The following CARS2 variants were observed in gnomAD, a reference collection of about 807,000 sequenced individuals.
CARS2 encodes the protein probable cysteine--tRNA ligase, mitochondrial.
In CARS2, 52 loss-of-function variants were observed where a neutral mutation model predicts 68.8. The observed-to-expected ratio is 0.76, with a 90% CI of 0.61 to 0.95. CARS2 has a LOEUF of 0.95. CARS2 is among the 40% of genes least tolerant of loss of function. The pLI is 0.00. For synonymous variants in CARS2, 314 were observed against 303.6 expected, an observed-to-expected ratio of 1.03 and a Z score of -0.36; for missense variants, 780 against 754.2, an observed-to-expected ratio of 1.03 and a Z score of -0.40.
chr13:110,647,548 G>A (rs1228557813), intron 10 of CARS2, among the ~76,000 whole-genome samples: 1 of 151,894 alleles, frequency 6.6e-6, no homozygotes, highest in Non-Finnish European at 1.5e-5. Context: ...GGCTGGCTCT[G>A]GAAAGAAGGA....
Position 110,664,382 on chromosome 13 carries a change from A to T in CARS2, c.920-864T>A, listed in dbSNP as rs2062590372. 1.2e-5 allele frequency: 3 copies of T among 252,950 alleles called. No individual in the cohort carries two copies. The South Asian group carries it at 4.4e-4, about 38-fold the overall frequency. 15.7% of individuals were successfully genotyped at this position (252,950 alleles called of 1,614,324 possible). ...AAATTAGCTGGGCGTGGTGGGGCAC[A>T]CCTGCAGTCCCAACATCCCAACAAC... is the stretch of plus-strand genomic sequence containing the variant. On this transcript the variant is annotated intron_variant, in intron 8 of 14. Transcript: ENST00000257347.
In CARS2 at chr13:110,687,771, G is replaced by T. The variant is rs1393002060; in HGVS notation, c.521C>A (p.Ser174Tyr). ...RVTENIPQII[S>Y]FIEGIIARGN... ...ACGAGCAATGATTCCTTCAATGAAA[G>T]AAATTATCTGAGGAATATTTTCGGT... The change falls in exon 5 of 15, where the codon TCT becomes TAT. Residue 174 changes from serine (S) to tyrosine (Y), a missense_variant. Transcript: ENST00000257347. The T allele has an allele frequency of 3.7e-6, 6 of 1,612,348 alleles. No individual in the cohort carries two copies. The highest frequency in any genetic ancestry group is 5.1e-6 in the Non-Finnish European group (6 of 1,179,218).
chr13:110,676,988 G>A lies in CARS2; in HGVS notation c.771C>T (p.Cys257=). The change falls in exon 7 of 15, where the codon TGC becomes TGT. Residue 257 remains cysteine, a synonymous_variant. Transcript: ENST00000257347. The surrounding 1 kb of genome is among the most constrained non-coding windows in gnomAD (Gnocchi z 4.0). ...AGGCACCTTACCTAGCGATGGCAGA[G>A]CACTCGATGTGCCAGCCCGGCCTCC... ...GPGRPGWHIE[C]SAIASMVFGS... 6.3e-7 allele frequency: 1 copy of A among 1,587,562 alleles called. No individual in the cohort carries two copies. The highest frequency in any genetic ancestry group is 8.6e-7 in the Non-Finnish European group (1 of 1,162,434).
chr13:110,641,820 C>T (rs560675462), intron 14 of CARS2, among the ~76,000 whole-genome samples: 34 of 152,346 alleles, frequency 2.2e-4, no homozygotes, highest in Admixed American at 5.9e-4. Flanking sequence ...GCAGGACCCA[C>T]GTCCCCGTGC....
chr13:110,642,357 G>T lies in CARS2; in HGVS notation c.1581C>A (p.Asp527Glu), dbSNP rs201472735. 1.3e-6 allele frequency: 2 copies of T among 1,553,936 alleles called. No individual in the cohort carries two copies. The highest frequency in any genetic ancestry group is 1.7e-6 in the Non-Finnish European group (2 of 1,148,448). The change falls in exon 14 of 15, where the codon GAC (aspartate) becomes GAA (glutamate). Residue 527 changes from aspartate to glutamate, a missense_variant. Transcript: ENST00000257347. ...GGGCAGTCAGGCCCCGGCGCAGGGT[G>T]TCGCATGCTTCCAGCAGGGGCTGCC... The part of the protein sequence containing the change: ...LERQPLLEAC[D>E]TLRRGLTAHG...
chr13:110,706,184 C>CCGCCCACGCCCTTGGGGCCA, upstream of CARS2: 1 of 962,504 alleles, frequency 1.0e-6, no homozygotes, highest in Non-Finnish European at 1.3e-6. Flanking sequence ...CCGCCCCGCC[C>CCGCCCACGCCCTTGGGGCCA]CGCCCACGCC....
At chr13:110,674,356 T>C (rs982889241) in intron 7 of CARS2, among the ~76,000 whole-genome samples, 18 of 151,754 alleles carry the variant, frequency 1.2e-4, no homozygotes, top group South Asian at 6.2e-4. Context: ...ATGGTACTGG[T>C]ACCAAAACAG....
chr13:110,692,935 C>A (rs1049897558), intron 3 of CARS2, among the ~76,000 whole-genome samples: 19 of 151,676 alleles, frequency 1.3e-4, no homozygotes, highest in African/African-American at 4.4e-4. Flanking sequence ...CATGGTGAAA[C>A]CCCATCTCTA....
intron 7 of CARS2, among the ~76,000 whole-genome samples, chr13:110,672,058 C>G (rs960600993): frequency 6.6e-6 from 1 of 152,202 alleles, no homozygotes; most frequent in African/African-American, 2.4e-5. Context: ...CACCCAGATT[C>G]ATAAAGCAAG....
intron 3 of CARS2, among the ~76,000 whole-genome samples, chr13:110,700,445 G>A (rs931323108): frequency 1.3e-5 from 2 of 152,234 alleles, no homozygotes; most frequent in Non-Finnish European, 1.5e-5. Context: ...CGTGGCGTGT[G>A]CAGAGAGGGG....
chr13:110,647,061 C>A (rs1449671336), intron 11 of CARS2, 40 bp downstream of exon 11: 1 of 1,526,386 alleles, frequency 6.6e-7, no homozygotes, highest in South Asian at 1.2e-5. Context: ...CAGCAGGCCA[C>A]AGGAGGGGTG....
At chr13:110,708,714 C>A (rs996005314), upstream of CARS2, among the ~76,000 whole-genome samples, 13 of 151,946 alleles carry the variant, frequency 8.6e-5, no homozygotes, top group African/African-American at 2.7e-4. Context: ...TACAAGTGCA[C>A]ACCACCGTGC....
intron 3 of CARS2, among the ~76,000 whole-genome samples, chr13:110,691,050 T>G (rs1013175971): frequency 6.6e-6 from 1 of 152,200 alleles, no homozygotes; most frequent in African/African-American, 2.4e-5. Context: ...AGTTTTGTTC[T>G]TGTTGTCCAC....
intron 7 of CARS2, among the ~76,000 whole-genome samples, chr13:110,669,673 A>T (rs1379661564): frequency 1.3e-5 from 2 of 152,066 alleles, no homozygotes; most frequent in Non-Finnish European, 2.9e-5. Context: ...TGATTTCTGC[A>T]TTTCCAACTG....
At position 110,701,543 on chromosome 13, in the gene CARS2, T is replaced by C. The variant is rs759533298; in HGVS notation, c.288A>G (p.Arg96=). 16 of 1,502,412 alleles carry C rather than the reference T, an allele frequency of 1.1e-5. No homozygotes were observed. The African/African-American group carries it at 2.1e-4, about 19-fold the overall frequency. The allele number at this position is 1,502,412 out of a possible 1,614,324, so 93.1% of individuals were successfully genotyped here. The change falls in exon 3 of 15, where the codon AGA becomes AGG. Residue 96 remains arginine (R), a synonymous_variant. Transcript: ENST00000257347. ...TTAGGATCCTTCGAATGATATCAAA[T>C]CTAACATATGAGCTGAAAGAAAAAA... The part of the protein sequence containing the change: ...AHLGHACSYV[R]FDIIRRILTK...
chr13:110,695,542 G>A (rs1035484382), intron 3 of CARS2, among the ~76,000 whole-genome samples: 1 of 152,062 alleles, frequency 6.6e-6, no homozygotes, highest in Non-Finnish European at 1.5e-5. Flanking sequence ...GAGTGTACAT[G>A]CAATGTGACA....
chr13:110,692,777 A>C (rs2063508580), intron 3 of CARS2, among the ~76,000 whole-genome samples: 1 of 151,750 alleles, frequency 6.6e-6, no homozygotes, highest in Non-Finnish European at 1.5e-5. Flanking sequence ...CTGTGCCACC[A>C]CACTCCAGCT....
At chr13:110,645,426 AC>A (rs2139677466) in intron 12 of CARS2, 1 of 152,392 alleles carries the variant, frequency 6.6e-6, no homozygotes, top group East Asian at 1.9e-4. Flanking sequence ...GGGGCTCCTG[AC>A]GCAGCGCCTC....
At chr13:110,712,844 CCT>C (rs2064048372) in intron 1 of CARS2, 2 of 1,065,522 alleles carry the variant, frequency 1.9e-6, no homozygotes, top group Admixed American at 2.0e-5. Context: ...AAGCAGCTTC[CCT>C]CTCAGGCCCC....
Sources: allele counts gnomAD v4.1 joint callset (sites outside exome capture counted in the v4.1 genomes callset), GRCh38; gene constraint gnomAD v4.1.1; non-coding constraint Gnocchi (gnomAD v3.1); transcripts MANE v1.5; gene names NCBI Gene and HGNC (gene_info 2026-07-23, HGNC 2026-07-21).